Variants in CALD1 observed in about 807,000 individuals in gnomAD.
The protein encoded by CALD1 is caldesmon.
CALD1 carries 33 observed loss-of-function variants against 99.9 expected under a neutral mutation model. The ratio of observed to expected loss-of-function variants is 0.33; its 90% confidence interval spans 0.25 to 0.44. CALD1 has a LOEUF of 0.44. Among genes scored for constraint, CALD1 ranks in the 20% least tolerant of loss-of-function variants. CALD1 has a pLI of 1.00. For missense variants in CALD1, 861 were observed against 962.1 expected, an observed-to-expected ratio of 0.89 and a Z score of 1.39; for synonymous variants, 310 against 325.0, an observed-to-expected ratio of 0.95 and a Z score of 0.50.
At chr7:134,811,692 T>C (rs1656280164) in intron 1 of CALD1, among the ~76,000 whole-genome samples, 1 of 152,180 alleles carries the variant, frequency 6.6e-6, no homozygotes, top group Non-Finnish European at 1.5e-5. Context: ...TCTGTGTCTT[T>C]AATGGGCTAT....
chr7:134,929,268 T>G (rs1368715062), intron 4 of CALD1, among the ~76,000 whole-genome samples: 1 of 152,066 alleles, frequency 6.6e-6, no homozygotes, highest in Non-Finnish European at 1.5e-5. Flanking sequence ...TCAATAGTTT[T>G]GGGGGAACAG....
intron 1 of CALD1, among the ~76,000 whole-genome samples, chr7:134,788,485 C>T (rs1797392648): frequency 1.3e-5 from 2 of 152,180 alleles, no homozygotes; most frequent in South Asian, 4.1e-4. Flanking sequence ...GTAAAATTAG[C>T]CTCTGCATTG....
chr7:134,927,262 T>C (rs945089912), intron 3 of CALD1, among the ~76,000 whole-genome samples: 6 of 152,132 alleles, frequency 3.9e-5, no homozygotes, highest in African/African-American at 1.2e-4. Flanking sequence ...GAAACATATC[T>C]AGCATAGTGA....
At chr7:134,750,002 TG>T (rs1409258583) in intron 1 of CALD1, among the ~76,000 whole-genome samples, 1 of 152,112 alleles carries the variant, frequency 6.6e-6, no homozygotes, top group Admixed American at 6.6e-5. Context: ...GCTGCTGGGC[TG>T]GTGTTGGTGT....
chr7:134,726,128 T>C, the CALD1 span, among the ~76,000 whole-genome samples: 1 of 151,942 alleles, frequency 6.6e-6, no homozygotes, highest in Non-Finnish European at 1.5e-5. Flanking sequence ...ACACCATTAT[T>C]CAGCACCTAA....
intron 2 of CALD1, among the ~76,000 whole-genome samples, chr7:134,867,232 T>G (rs1157151764): frequency 6.6e-6 from 1 of 152,230 alleles, no homozygotes; most frequent in African/African-American, 2.4e-5. Flanking sequence ...GCCTAGACAC[T>G]GTATTATTTT....
chr7:134,900,965 T>C (rs953952520), intron 3 of CALD1, among the ~76,000 whole-genome samples: 19 of 152,054 alleles, frequency 1.2e-4, no homozygotes, highest in African/African-American at 4.6e-4. Flanking sequence ...TTCAGGAAAA[T>C]CAGAGCTCTT....
chr7:134,770,731 T>A (rs1294787848), intron 1 of CALD1, among the ~76,000 whole-genome samples: 1 of 152,174 alleles, frequency 6.6e-6, no homozygotes, highest in African/African-American at 2.4e-5. Context: ...ATGAACATAT[T>A]GTCAGGGGGC....
At chr7:134,944,991 G>C (rs192913216) in intron 7 of CALD1, among the ~76,000 whole-genome samples, 5 of 152,098 alleles carry the variant, frequency 3.3e-5, no homozygotes, top group Admixed American at 3.3e-4. Context: ...AAACTCAGGG[G>C]TCACAGTAGG....
chr7:134,934,529 A>G (rs78371941), intron 5 of CALD1, among the ~76,000 whole-genome samples: 1 of 152,154 alleles, frequency 6.6e-6, no homozygotes, highest in African/African-American at 2.4e-5. Context: ...AATTAAAAAA[A>G]TGATAAAAGC....
intron 1 of CALD1, among the ~76,000 whole-genome samples, chr7:134,836,380 T>C (rs1241579363): frequency 1.3e-5 from 2 of 152,142 alleles, no homozygotes; most frequent in Non-Finnish European, 2.9e-5. Flanking sequence ...GCACCATTTC[T>C]TATCACTTGC....
At chr7:134,729,862 T>C in the CALD1 span, among the ~76,000 whole-genome samples, 2 of 152,144 alleles carry the variant, frequency 1.3e-5, no homozygotes, top group Admixed American at 6.5e-5. Context: ...GAAAAGCCCC[T>C]GCTTTTCTCA....
rs1563110255 is a variant in CALD1 at position 134,934,055 on chromosome 7, A to G, written c.1286A>G (p.Gln429Arg). The G allele has an allele frequency of 1.9e-6, 3 of 1,611,422 alleles. No homozygotes were observed. The highest frequency in any genetic ancestry group is 1.7e-5 in the Admixed American group (1 of 59,318). The change falls in exon 5 of 15, where the codon CAG becomes CGG. Residue 429 changes from glutamine to arginine, a missense_variant. Gln to Arg is a conservative substitution (Grantham distance 43). This residue lies in a region of CALD1 where 293 missense variants were observed against 262.7 expected (regional missense o/e 1.12). Transcript: ENST00000361675. Reference sequence around the variant, plus strand: ...AAGAAAGCACAAGAAGATAAACTTCAGACAGCTGTCCTAAAGAAACAGGTA... The same window carrying G: ...AAGAAAGCACAAGAAGATAAACTTCGGACAGCTGTCCTAAAGAAACAGGTA... Reference protein sequence around the residue: ...NEKKAQEDKLQTAVLKKQGEE... With the variant: ...NEKKAQEDKLRTAVLKKQGEE...
intron 1 of CALD1, among the ~76,000 whole-genome samples, chr7:134,824,291 C>T (rs1277482739): frequency 6.6e-6 from 1 of 152,144 alleles, no homozygotes; most frequent in African/African-American, 2.4e-5. Flanking sequence ...CTACACATGA[C>T]CGCTGAAACA....
chr7:134,914,186 T>G (rs906825413), intron 3 of CALD1, among the ~76,000 whole-genome samples: 14 of 152,166 alleles, frequency 9.2e-5, no homozygotes, highest in Non-Finnish European at 2.9e-5. Flanking sequence ...TCCAATTTAA[T>G]ACGAGGTGGG....
chr7:134,779,548 T>G (rs1797021384), upstream of CALD1: 2 of 396,664 alleles, frequency 5.0e-6, no homozygotes, highest in African/African-American at 4.1e-5. Context: ...GCCTCCCGAC[T>G]GTAAACATAG....
chr7:134,934,012 G>T lies in CALD1; in HGVS notation c.1243G>T (p.Gly415Trp). 1 of 1,613,858 alleles carries T rather than the reference G, an allele frequency of 6.2e-7. No homozygotes were observed. Residue 415 changes from glycine to tryptophan, a missense_variant, in exon 5 of 15, where the codon GGG becomes TGG. By Grantham distance (184) the Gly-to-Trp change is radical. Transcript: ENST00000361675. Reference protein sequence around the residue: ...KGEKVEQKIEGKWVNEKKAQE... With the variant: ...KGEKVEQKIEWKWVNEKKAQE... ...GGAAAAGGTAGAACAGAAAATAGAA[G>T]GGAAATGGGTAAATGAAAAGAAAGC...
At chr7:134,951,055 C>G (rs756034576) in intron 9 of CALD1, among the ~76,000 whole-genome samples, 2 of 152,192 alleles carry the variant, frequency 1.3e-5, no homozygotes, top group Admixed American at 1.3e-4. Flanking sequence ...ATAGGTGGCA[C>G]CTTCTCCCTG....
chr7:134,935,826 A>G, intron 6 of CALD1, 61 bp downstream of exon 6: 1 of 1,502,060 alleles, frequency 6.7e-7, no homozygotes, highest in Non-Finnish European at 8.9e-7. Context: ...GTGTTCCAAG[A>G]TATCTCAGGT....
Sources: gnomAD v4.1 joint callset for allele counts (sites outside exome capture counted in the v4.1 genomes callset) on GRCh38, gnomAD v4.1.1 for gene constraint, gnomAD v4.1.1 regional missense constraint, MANE v1.5 for transcripts, NCBI Gene and HGNC (gene_info 2026-07-23, HGNC 2026-07-21) for gene names.